The following GLCCI1 variants were observed in gnomAD, a reference collection of about 807,000 sequenced individuals.
GLCCI1 encodes glucocorticoid induced 1.
GLCCI1 carries 24 observed loss-of-function variants against 52.2 expected under a neutral mutation model. The observed-to-expected ratio is 0.46, with a 90% CI of 0.33 to 0.65. GLCCI1 has a LOEUF of 0.65. Ranked by LOEUF, GLCCI1 falls within the 30% of genes least tolerant of loss-of-function variation. The pLI is 0.02. For synonymous variants in GLCCI1, 310 were observed against 276.5 expected, an observed-to-expected ratio of 1.12 and a Z score of -1.20; for missense variants, 704 against 701.5, an observed-to-expected ratio of 1.00 and a Z score of -0.04.
At chr7:8,043,317 CA>C (rs1782043932) in intron 3 of GLCCI1, among the ~76,000 whole-genome samples, 1 of 146,004 alleles carries the variant, frequency 6.8e-6, no homozygotes, top group Admixed American at 6.9e-5. Context: ...TGCCTTCATT[CA>C]ACAATGCTGT....
At chr7:8,039,861 G>A (rs1040247963) in intron 3 of GLCCI1, among the ~76,000 whole-genome samples, 1 of 152,016 alleles carries the variant, frequency 6.6e-6, no homozygotes, top group Non-Finnish European at 1.5e-5. Flanking sequence ...GCTTGGCATG[G>A]TAGCGGGCTC....
chr7:7,981,931 C>A, intron 1 of GLCCI1: 1 of 452,070 alleles, frequency 2.2e-6, no homozygotes. Context: ...CATCACTGCT[C>A]TGAAGTAAAA....
chr7:8,013,722 T>G (rs1781317498), intron 2 of GLCCI1, among the ~76,000 whole-genome samples: 2 of 152,350 alleles, frequency 1.3e-5, no homozygotes, highest in Non-Finnish European at 2.9e-5. Context: ...CTTGTTAAAC[T>G]TATATCTAAA....
chr7:8,013,013 T>C (rs1781301410), intron 2 of GLCCI1, among the ~76,000 whole-genome samples: 1 of 152,198 alleles, frequency 6.6e-6, no homozygotes, highest in Admixed American at 6.5e-5. Context: ...CCAGCACCAG[T>C]TGTTGAAAAG....
chr7:7,992,602 T>C (rs1057008512), intron 1 of GLCCI1, among the ~76,000 whole-genome samples: 7 of 152,090 alleles, frequency 4.6e-5, no homozygotes, highest in African/African-American at 1.7e-4. Flanking sequence ...CCGTATGTCC[T>C]TTCAAGTTAT....
chr7:8,047,168 A>G (rs1339331313), intron 3 of GLCCI1, among the ~76,000 whole-genome samples: 3 of 152,264 alleles, frequency 2.0e-5, no homozygotes, highest in Admixed American at 6.5e-5. Flanking sequence ...ATGCTCGTAT[A>G]CAATGAAGTT....
chr7:8,013,303 T>A (rs1342481029), intron 2 of GLCCI1, among the ~76,000 whole-genome samples: 4 of 152,200 alleles, frequency 2.6e-5, no homozygotes, highest in Non-Finnish European at 5.9e-5. Context: ...TATCCAGCTT[T>A]ATTTATTTTT....
rs1166532166 is a variant in GLCCI1 at position 8,059,998 on chromosome 7, C to G, written c.814-98C>G. ...TGTATTTGAAAGGTCAGAAATAACT[C>G]CGTTCATTGAGTTTCAATTTTAATA... is the stretch of plus-strand genomic sequence containing the variant. On this transcript the variant is annotated intron_variant, in intron 4 of 7. Coordinates refer to ENST00000223145, the MANE Select transcript of GLCCI1 (RefSeq NM_138426.4). 12 of 1,018,302 alleles carry G rather than the reference C, an allele frequency of 1.2e-5. No homozygotes were observed. The East Asian group carries it at 3.1e-4, about 26-fold the overall frequency. 63.1% of individuals were successfully genotyped at this position (1,018,302 alleles called of 1,614,324 possible).
intron 6 of GLCCI1, among the ~76,000 whole-genome samples, chr7:8,076,000 T>C (rs1234082311): frequency 6.6e-6 from 1 of 152,218 alleles, no homozygotes; most frequent in Non-Finnish European, 1.5e-5. Flanking sequence ...ATTAATTTTG[T>C]CTTTTCAGGG....
At chr7:8,058,499 G>A (rs1584007649) in intron 4 of GLCCI1, among the ~76,000 whole-genome samples, 1 of 152,112 alleles carries the variant, frequency 6.6e-6, no homozygotes, top group South Asian at 2.1e-4. Context: ...TAAAATTATA[G>A]CAATTAAGTG....
In GLCCI1 at chr7:8,075,864, T is replaced by A. The variant is rs148795665; in HGVS notation, c.1177+4733T>A. Among the ~76,000 whole-genome samples, 4 of 152,354 alleles carry A rather than the reference T, an allele frequency of 2.6e-5. No individual in the cohort carries two copies. In the East Asian group the frequency reaches 7.7e-4, roughly 29 times the overall value. On this transcript the variant is annotated intron_variant, in intron 6 of 7. Transcript: ENST00000223145. ...ACAGTGTACACTATGTGGATAGAGT[T>A]TCCCAAGCCAATGCATGTAAGCCTA...
intron 6 of GLCCI1, among the ~76,000 whole-genome samples, chr7:8,075,799 A>AATTG (rs1782863801): frequency 6.6e-6 from 1 of 152,348 alleles, no homozygotes; most frequent in East Asian, 1.9e-4. Context: ...AGAGTCCCTA[A>AATTG]ATTGATTACT....
chr7:7,977,211 A>G (rs1398549163), intron 1 of GLCCI1, among the ~76,000 whole-genome samples: 4 of 152,192 alleles, frequency 2.6e-5, no homozygotes, highest in African/African-American at 7.2e-5. Context: ...GACATAAACG[A>G]ACTCCTTGTG....
At chr7:8,080,808 T>C (rs571946321) in intron 6 of GLCCI1, among the ~76,000 whole-genome samples, 2 of 151,810 alleles carry the variant, frequency 1.3e-5, no homozygotes, top group African/African-American at 4.8e-5. Context: ...GGCACTATCC[T>C]AATCCTTTTT....
At chr7:8,012,637 G>GGGT (rs1781291418) in intron 2 of GLCCI1, among the ~76,000 whole-genome samples, 1 of 151,354 alleles carries the variant, frequency 6.6e-6, no homozygotes, top group South Asian at 2.1e-4. Context: ...AGTAGAGACG[G>GGGT]GGTTTCACCG....
chr7:7,973,355 A>G (rs1780394368), intron 1 of GLCCI1, among the ~76,000 whole-genome samples: 1 of 151,902 alleles, frequency 6.6e-6, no homozygotes, highest in African/African-American at 2.4e-5. Flanking sequence ...ATTTAAACAT[A>G]GAACAAATAC....
intron 3 of GLCCI1, among the ~76,000 whole-genome samples, chr7:8,047,627 G>A (rs558988514): frequency 6.6e-6 from 1 of 152,180 alleles, no homozygotes; most frequent in Non-Finnish European, 1.5e-5. Flanking sequence ...TGTATGCTCA[G>A]TATTGTGTAA....
At chr7:8,078,556 G>A (rs1436009433) in intron 6 of GLCCI1, 1 of 152,244 alleles carries the variant, frequency 6.6e-6, no homozygotes, top group Non-Finnish European at 1.5e-5. Context: ...GATTAAAAGT[G>A]TGTATAAATG....
intron 3 of GLCCI1, among the ~76,000 whole-genome samples, chr7:8,025,793 G>T (rs1369654793): frequency 6.6e-6 from 1 of 152,112 alleles, no homozygotes; most frequent in East Asian, 1.9e-4. Flanking sequence ...GGACCATAAG[G>T]CCTGATGCAT....
Sources: allele counts gnomAD v4.1 joint callset (sites outside exome capture counted in the v4.1 genomes callset), GRCh38; gene constraint gnomAD v4.1.1; transcripts MANE v1.5; gene names NCBI Gene and HGNC (gene_info 2026-07-23, HGNC 2026-07-21).